Variants in FAM199X observed in about 807,000 individuals in gnomAD.
FAM199X encodes the protein protein FAM199X.
Under a neutral mutation model 22.9 loss-of-function variants are expected in FAM199X, and 4 were observed. The observed-to-expected ratio is 0.17, with a 90% CI of 0.09 to 0.40. FAM199X has a LOEUF of 0.40. Among genes scored for constraint, FAM199X ranks in the 10% least tolerant of loss-of-function variants. FAM199X has a pLI of 1.00. For missense variants in FAM199X, 183 were observed against 306.8 expected (o/e 0.60, Z 3.01); for synonymous variants, 101 against 112.3 (o/e 0.90, Z 0.64).
At position 104,175,798 on chromosome X, in the gene FAM199X, A is replaced by G. The variant is rs1556376306; in HGVS notation, c.373A>G (p.Ile125Val). ...GSVCSDVSSS[I>V]STYWDWSDSE... ...TGTCTGCAGTGATGTCTCTTCTTCT[A>G]TTAGCACTTACTGGGATTGGTCAGA... The change falls in exon 2 of 6, where the codon ATT becomes GTT. Residue 125 changes from isoleucine (I) to valine (V), a missense_variant. Ile to Val is a conservative substitution (Grantham distance 29, BLOSUM62 3). Transcript: ENST00000493442. The G allele has an allele frequency of 8.3e-7, 1 of 1,210,933 alleles. No homozygotes were observed. Among genetic ancestry groups the G allele is most frequent in the Admixed American group, 2.2e-5 (1 of 45,975 alleles).
intron 2 of FAM199X, among the ~76,000 whole-genome samples, chrX:104,177,962 C>T (rs1921534839): frequency 9.0e-6 from 1 of 110,851 alleles, no homozygotes. Context: ...TCTAATTTAT[C>T]TTTTTTTTGG....
intron 2 of FAM199X, among the ~76,000 whole-genome samples, chrX:104,176,915 C>T (rs1399153728): frequency 6.3e-5 from 7 of 111,605 alleles, no homozygotes; most frequent in Non-Finnish European, 1.3e-4. Flanking sequence ...AAGTAATTCA[C>T]AACCCTTCCA....
At chrX:104,183,182 T>A (rs1347665803) in intron 2 of FAM199X, among the ~76,000 whole-genome samples, 1 of 111,622 alleles carries the variant, frequency 9.0e-6, no homozygotes, top group African/African-American at 3.3e-5. Flanking sequence ...TTTCAAGAGT[T>A]CTTCCGTTTA....
At chrX:104,166,125 T>C (rs1921170728), upstream of FAM199X, among the ~76,000 whole-genome samples, 1 of 112,411 alleles carries the variant, frequency 8.9e-6, no homozygotes, top group Non-Finnish European at 1.9e-5. Flanking sequence ...ACTTGTTGAA[T>C]TGGGACAGAA....
Position 104,175,767 on chromosome X carries a change from G to A in FAM199X, c.342G>A (p.Glu114=), listed in dbSNP as rs782399346. 5.8e-6 allele frequency: 7 copies of A among 1,209,499 alleles called. No individual in the cohort carries two copies. The change falls in exon 2 of 6, where the codon GAG becomes GAA. Residue 114 remains glutamate (E), a synonymous_variant. Coordinates refer to ENST00000493442, the MANE Select transcript of FAM199X (RefSeq NM_207318.4). ...QDFTSFDLFP[E]GSVCSDVSSS... ...TCACTTCTTTTGATTTATTTCCTGAGGGGAGTGTCTGCAGTGATGTCTCTT... is the reference window on the plus strand; with the variant it reads ...TCACTTCTTTTGATTTATTTCCTGAAGGGAGTGTCTGCAGTGATGTCTCTT...
Position 104,186,120 on chromosome X carries a change from A to C in FAM199X, c.472A>C (p.Ser158Arg). 2 of 1,210,465 alleles carry C rather than the reference A, an allele frequency of 1.7e-6. No homozygotes were observed. The highest frequency in any genetic ancestry group is 2.2e-6 in the Non-Finnish European group (2 of 894,223). ...TGATGTACTTTCTGATGTCATACCC[A>C]GTATTCCAAGTTCACCTTGCCTGCT... ...GSDVLSDVIP[S>R]IPSSPCLLPK... is the part of the protein sequence containing the mutation. The change falls in exon 3 of 6, where the codon AGT (serine) becomes CGT (arginine). Residue 158 changes from serine (S) to arginine (R), a missense_variant. Physicochemically the swap from Ser to Arg is moderately radical, Grantham distance 110 (BLOSUM62 -1). Coordinates refer to ENST00000493442, the MANE Select transcript of FAM199X (RefSeq NM_207318.4).
upstream of FAM199X, among the ~76,000 whole-genome samples, chrX:104,165,737 A>G (rs1921153789): frequency 9.0e-6 from 1 of 111,154 alleles, no homozygotes; most frequent in African/African-American, 3.3e-5. Context: ...ATAACACCTA[A>G]CAAGTTGATT....
rs6621792 is a variant in FAM199X at position 104,180,407 on chromosome X, G to C, written c.417+4565G>C. Among the ~76,000 whole-genome samples the C allele has an allele frequency of 2.2e-3, 226 of 104,204 alleles. 4 individuals carry two copies. In the East Asian group the frequency reaches 0.043, roughly 20 times the overall value. The allele number at this position is 104,204 out of a possible 115,157, so 90.5% of individuals were successfully genotyped here. A position where few individuals can be genotyped will look rare whatever the true frequency, so the allele number is the denominator to read the frequency against. ...GATAATTCTAAGAAATATTTCTTCTGCTTATTTTATGTGATTTATTTAGAG... is the reference window on the plus strand; with the variant it reads ...GATAATTCTAAGAAATATTTCTTCTCCTTATTTTATGTGATTTATTTAGAG... On this transcript the variant is annotated intron_variant, in intron 2 of 5. Transcript: ENST00000493442.
At chrX:104,158,234 C>T in the FAM199X span, among the ~76,000 whole-genome samples, 4 of 111,521 alleles carry the variant, frequency 3.6e-5, no homozygotes, top group Non-Finnish European at 7.5e-5. Flanking sequence ...TACAGAAAGA[C>T]TAGGTTCTCT....
At position 104,187,093 on chromosome X, in the gene FAM199X, ATCT is replaced by A. The variant is rs1373140894; in HGVS notation, c.729+477_729+479del. On this transcript the variant is annotated intron_variant, in intron 4 of 5. Coordinates refer to ENST00000493442, the MANE Select transcript of FAM199X (RefSeq NM_207318.4). ...TACGCATCTCTGGTACTCTGGTATC[ATCT>A]TCTTTTTTTTTTTTTTTGAGACAGA... 3.3e-3 allele frequency among the ~76,000 whole-genome samples: 348 copies of A among 105,181 alleles called. 1 individual carries two copies. Among genetic ancestry groups the A allele is most frequent in the African/African-American group, 0.012 (336 of 27,568 alleles). 91.3% of individuals were successfully genotyped at this position (105,181 alleles called of 115,157 possible).
the FAM199X span, among the ~76,000 whole-genome samples, chrX:104,160,036 C>T: frequency 1.4e-4 from 16 of 112,310 alleles, no homozygotes; most frequent in African/African-American, 5.2e-4. Context: ...CGCTCTAAAT[C>T]ACTGGCCCAA....
At position 104,194,559 on chromosome X, in the gene FAM199X, C is replaced by CA. The variant is rs1922013437; in HGVS notation, c.*4783dup. The CA allele has an allele frequency of 8.9e-6, 1 of 111,879 alleles. No homozygotes were observed. Among genetic ancestry groups the CA allele is most frequent in the Non-Finnish European group, 1.9e-5 (1 of 53,057 alleles). The allele number at this position is 111,879 out of a possible 1,213,427, so 9.2% of individuals were successfully genotyped here. A position where few individuals can be genotyped will look rare whatever the true frequency, so the allele number is the denominator to read the frequency against. ...TAGGTTATCTAGCTGAGGCTTTTAA[C>CA]AATGGAGCAGATAATGTCTGTTCCT... On this transcript the variant is annotated 3_prime_UTR_variant, in exon 6 of 6. Coordinates refer to ENST00000493442, the MANE Select transcript of FAM199X (RefSeq NM_207318.4).
At chrX:104,187,924 A>G in intron 4 of FAM199X, 116 bp from the exon 5 acceptor site, 3 of 895,498 alleles carry the variant, frequency 3.4e-6, no homozygotes, top group Non-Finnish European at 4.7e-6. Flanking sequence ...TTACGTATGC[A>G]TCTGCAGCAC....
At position 104,178,026 on chromosome X, in the gene FAM199X, G is replaced by A. The variant is rs781936339; in HGVS notation, c.417+2184G>A. The stretch of plus-strand genomic sequence containing the variant: ...CCACTGTGTAATCCAAGATGAGGAA[G>A]ATTTTCACCTGTTTCCTTCCCAGAC... On this transcript the variant is annotated intron_variant, in intron 2 of 5. Coordinates refer to ENST00000493442, the MANE Select transcript of FAM199X (RefSeq NM_207318.4). 2.7e-5 allele frequency among the ~76,000 whole-genome samples: 3 copies of A among 112,062 alleles called. No individual in the cohort carries two copies. In the South Asian group the frequency reaches 1.1e-3, roughly 42 times the overall value.
chrX:104,182,370 A>G (rs1556378074), intron 2 of FAM199X, among the ~76,000 whole-genome samples: 1 of 111,095 alleles, frequency 9.0e-6, no homozygotes. Flanking sequence ...CCTAGATTAC[A>G]AGAGCTTCCT....
intron 1 of FAM199X, among the ~76,000 whole-genome samples, chrX:104,171,018 A>G (rs782645292): frequency 9.0e-5 from 10 of 111,345 alleles, no homozygotes; most frequent in African/African-American, 3.3e-4. Flanking sequence ...TATAGCATAG[A>G]CTTCAAATGA....
intron 2 of FAM199X, among the ~76,000 whole-genome samples, chrX:104,176,489 G>A (rs1921494062): frequency 8.9e-6 from 1 of 112,369 alleles, no homozygotes; most frequent in Admixed American, 9.5e-5. Context: ...CCTGCCTACA[G>A]CAAAGATTTT....
chrX:104,187,119 A>G (rs1250183149), intron 4 of FAM199X, among the ~76,000 whole-genome samples: 2 of 105,213 alleles, frequency 1.9e-5, no homozygotes, highest in East Asian at 5.9e-4. Flanking sequence ...TTTTTGAGAC[A>G]GAGTCTCACT....
intron 1 of FAM199X, among the ~76,000 whole-genome samples, chrX:104,169,946 A>G (rs1212296302): frequency 2.7e-5 from 3 of 112,311 alleles, no homozygotes; most frequent in African/African-American, 9.7e-5. Flanking sequence ...CATTACATGG[A>G]CACAGCCAGT....
Sources: gnomAD v4.1 joint callset for allele counts (sites outside exome capture counted in the v4.1 genomes callset) on GRCh38, gnomAD v4.1.1 for gene constraint, MANE v1.5 for transcripts, NCBI Gene and HGNC (gene_info 2026-07-23, HGNC 2026-07-21) for gene names.